Variants in CCDC171 observed in about 807,000 individuals in gnomAD.
CCDC171 encodes the protein coiled-coil domain containing 171.
A neutral mutation model predicts 168.2 loss-of-function variants in CCDC171; 177 were observed. That is an observed-to-expected ratio of 1.05 (90% CI 0.93 to 1.19). CCDC171 has a LOEUF of 1.19. Ranked by LOEUF, CCDC171 falls within the 50% of genes most tolerant of loss-of-function variation. The pLI, the probability that CCDC171 is intolerant of heterozygous loss-of-function variation, is 0.00. For synonymous variants in CCDC171, 687 were observed against 540.8 expected (o/e 1.27, Z -3.75); for missense variants, 1,991 against 1,539.0 (o/e 1.29, Z -4.91).
At chr9:15,698,556 G>A (rs1402456107) in intron 11 of CCDC171, among the ~76,000 whole-genome samples, 3 of 148,250 alleles carry the variant, frequency 2.0e-5, no homozygotes, top group African/African-American at 7.4e-5. Flanking sequence ...TAGGATATTT[G>A]TCTTTCAGTG....
At chr9:15,720,304 A>G (rs1325129456) in intron 11 of CCDC171, among the ~76,000 whole-genome samples, 2 of 152,160 alleles carry the variant, frequency 1.3e-5, no homozygotes, top group Non-Finnish European at 2.9e-5. Flanking sequence ...ATAAGTTCTA[A>G]TAATAGAATA....
At chr9:15,713,551 TG>T (rs2134065671) in intron 11 of CCDC171, among the ~76,000 whole-genome samples, 1 of 152,278 alleles carries the variant, frequency 6.6e-6, no homozygotes, top group East Asian at 1.9e-4. Context: ...CGTTTCATGA[TG>T]GGCACCCTCT....
chr9:16,060,456 C>G (rs1251764776), intron 1 of CCDC171, among the ~76,000 whole-genome samples: 2 of 152,216 alleles, frequency 1.3e-5, no homozygotes, highest in Admixed American at 6.5e-5. Flanking sequence ...AAACAGACCC[C>G]CCAGGCTGGG....
chr9:15,876,107 G>C (rs1817807758), intron 24 of CCDC171: 1 of 152,024 alleles, frequency 6.6e-6, no homozygotes, highest in Non-Finnish European at 1.5e-5. Context: ...TTCGAAAGAG[G>C]TTGATTCCCC....
chr9:15,692,240 G>A (rs1196842012), intron 10 of CCDC171, among the ~76,000 whole-genome samples: 3 of 151,854 alleles, frequency 2.0e-5, no homozygotes, highest in Non-Finnish European at 4.4e-5. Context: ...GCTGGGCATG[G>A]GCACACACCT....
downstream of CCDC171, among the ~76,000 whole-genome samples, chr9:15,977,208 C>G (rs548870401): frequency 6.6e-6 from 1 of 152,056 alleles, no homozygotes; most frequent in Non-Finnish European, 1.5e-5. Context: ...ATTATGGATG[C>G]GTACATATTT....
intron 6 of CCDC171, among the ~76,000 whole-genome samples, chr9:15,618,148 G>T (rs980243135): frequency 1.3e-5 from 2 of 152,174 alleles, no homozygotes; most frequent in Non-Finnish European, 2.9e-5. Flanking sequence ...CAGGTGCTCT[G>T]TCCTACCAGG....
At chr9:15,854,086 G>T (rs1375943525) in intron 23 of CCDC171, among the ~76,000 whole-genome samples, 3 of 149,890 alleles carry the variant, frequency 2.0e-5, no homozygotes, top group African/African-American at 4.9e-5. Context: ...ATCTTTGTCG[G>T]GCTTTAGGAT....
intron 25 of CCDC171, among the ~76,000 whole-genome samples, chr9:15,954,863 CT>C (rs1454016254): frequency 6.6e-6 from 1 of 151,952 alleles, no homozygotes; most frequent in Non-Finnish European, 1.5e-5. Context: ...TTCTTTAGTT[CT>C]CTGAGCATCT....
At chr9:15,746,826 A>G (rs565499516) in intron 18 of CCDC171, among the ~76,000 whole-genome samples, 133 of 152,328 alleles carry the variant, frequency 8.7e-4, no homozygotes, top group Non-Finnish European at 1.8e-3. Context: ...ACAAGGGGTC[A>G]GGGGATTTTC....
intron 11 of CCDC171, among the ~76,000 whole-genome samples, chr9:15,712,069 G>A (rs1191061675): frequency 1.3e-5 from 2 of 152,202 alleles, no homozygotes; most frequent in Non-Finnish European, 2.9e-5. Context: ...GAGCCTGAAA[G>A]CAAGAGAAGA....
upstream of CCDC171, chr9:15,553,028 G>C (rs1370793237): frequency 1.3e-5 from 2 of 152,858 alleles, no homozygotes; most frequent in Admixed American, 6.5e-5. Context: ...CCGGGCCTGA[G>C]TTGGGCTGAC....
At chr9:15,661,111 C>T (rs1045849061) in intron 8 of CCDC171, among the ~76,000 whole-genome samples, 1 of 151,866 alleles carries the variant, frequency 6.6e-6, no homozygotes, top group Non-Finnish European at 1.5e-5. Context: ...AAACCCCATC[C>T]CTACTAAAAA....
At chr9:15,698,629 G>A (rs2051419948) in intron 11 of CCDC171, among the ~76,000 whole-genome samples, 1 of 151,912 alleles carries the variant, frequency 6.6e-6, no homozygotes, top group Non-Finnish European at 1.5e-5. Context: ...AAATGACAGG[G>A]TTTCATTCTT....
At chr9:15,864,609 T>G (rs574937094) in intron 23 of CCDC171, among the ~76,000 whole-genome samples, 1 of 149,426 alleles carries the variant, frequency 6.7e-6, no homozygotes, top group Admixed American at 6.6e-5. Context: ...TCTCCAAATG[T>G]GCCTAAGTAT....
Position 15,757,756 on chromosome 9 carries a change from C to A in CCDC171, c.2671+12125C>A, listed in dbSNP as rs1411329168. On this transcript the variant is annotated intron_variant, in intron 18 of 25. Transcript: ENST00000380701. ...CCCCGTGCTGTGGTCAGCCTAGGGG[C>A]TTGATGCCCTGCGTCCCAGCTGCTC... is the stretch of plus-strand genomic sequence containing the variant. 2.6e-5 allele frequency among the ~76,000 whole-genome samples: 4 copies of A among 152,162 alleles called. No homozygotes were observed. In the East Asian group the frequency reaches 7.7e-4, roughly 29 times the overall value.
chr9:15,972,742 A>G lies in CCDC171; in HGVS notation c.*906A>G, dbSNP rs1343455352. The G allele has an allele frequency of 1.3e-5, 2 of 152,136 alleles. No homozygotes were observed. The highest frequency in any genetic ancestry group is 2.9e-5 in the Non-Finnish European group (2 of 68,016). The allele number at this position is 152,136 out of a possible 1,614,324, so 9.4% of individuals were successfully genotyped here. ...AGTGACACCCATCTTTGATGCTGAC[A>G]GAATTTAAAACAAGGCCATTGCCCT... On this transcript the variant is annotated 3_prime_UTR_variant, in exon 26 of 26. Coordinates refer to ENST00000380701, the MANE Select transcript of CCDC171 (RefSeq NM_173550.4).
At chr9:15,908,466 G>A (rs949735222) in intron 24 of CCDC171, among the ~76,000 whole-genome samples, 5 of 151,020 alleles carry the variant, frequency 3.3e-5, no homozygotes, top group African/African-American at 1.2e-4. Context: ...GAGAACACAT[G>A]GACACAGGAA....
At chr9:15,658,018 C>T (rs937811511) in intron 8 of CCDC171, among the ~76,000 whole-genome samples, 17 of 152,116 alleles carry the variant, frequency 1.1e-4, no homozygotes, top group Admixed American at 3.9e-4. Flanking sequence ...GGGTGCTTGT[C>T]GAGACAGACC....
Sources: gnomAD v4.1 joint callset for allele counts (sites outside exome capture counted in the v4.1 genomes callset) on GRCh38, gnomAD v4.1.1 for gene constraint, MANE v1.5 for transcripts, NCBI Gene and HGNC (gene_info 2026-07-23, HGNC 2026-07-21) for gene names.